Variants in TENM3 observed in about 807,000 individuals in gnomAD.
TENM3 encodes the protein teneurin transmembrane protein 3.
In TENM3, 63 loss-of-function variants were observed where a neutral mutation model predicts 255.1. That is an observed-to-expected ratio of 0.25 (90% CI 0.20 to 0.30). The LOEUF (loss-of-function observed/expected upper bound fraction) is 0.30. TENM3 is among the 10% of genes least tolerant of loss of function. The probability of loss-of-function intolerance (pLI) is 1.00; values close to 1 mark genes in which losing one functional copy is unlikely to be tolerated. For synonymous variants in TENM3, 1,306 were observed against 1,322.3 expected (o/e 0.99, Z 0.27); for missense variants, 2,929 against 3,461.1 (o/e 0.85, Z 3.86).
At chr4:181,981,745 A>G in the TENM3 span, among the ~76,000 whole-genome samples, 1 of 152,182 alleles carries the variant, frequency 6.6e-6, no homozygotes, top group Middle Eastern at 3.2e-3. Flanking sequence ...TGAATACGAA[A>G]AGTGGAAAAA....
chr4:182,758,341 G>C (rs1011748170), intron 22 of TENM3, among the ~76,000 whole-genome samples: 1 of 152,124 alleles, frequency 6.6e-6, no homozygotes, highest in Non-Finnish European at 1.5e-5. Context: ...AAAAGAAAAG[G>C]GTGGGGGGAG....
chr4:182,089,570 A>AT, the TENM3 span, among the ~76,000 whole-genome samples: 50 of 152,244 alleles, frequency 3.3e-4, no homozygotes, highest in African/African-American at 1.1e-3. Flanking sequence ...GGATTTATTG[A>AT]TTTTTTAAAA....
chr4:182,161,340 C>A (rs1192637636), intron 1 of TENM3, among the ~76,000 whole-genome samples: 1 of 128,792 alleles, frequency 7.8e-6, no homozygotes, highest in African/African-American at 3.0e-5. Context: ...GGCGTGAACC[C>A]GGGAGGCGAA....
intron 1 of TENM3, among the ~76,000 whole-genome samples, chr4:182,282,803 G>A (rs1476779965): frequency 6.7e-6 from 1 of 148,646 alleles, no homozygotes. Flanking sequence ...TGAGTCAGGA[G>A]AATTGCTTGA....
At chr4:181,552,375 A>T in the TENM3 span, among the ~76,000 whole-genome samples, 1 of 152,208 alleles carries the variant, frequency 6.6e-6, no homozygotes, top group African/African-American at 2.4e-5. Flanking sequence ...CTGTGTCATT[A>T]GTGTTAGCAG....
the TENM3 span, among the ~76,000 whole-genome samples, chr4:181,885,385 C>T: frequency 6.6e-6 from 1 of 152,148 alleles, no homozygotes; most frequent in Non-Finnish European, 1.5e-5. Context: ...GCCTCAGCCT[C>T]CCGAGTAGCT....
the TENM3 span, among the ~76,000 whole-genome samples, chr4:181,994,911 T>C: frequency 6.6e-6 from 1 of 152,208 alleles, no homozygotes; most frequent in Non-Finnish European, 1.5e-5. Flanking sequence ...ATTTCTTTTG[T>C]CTCCGTTGTA....
At chr4:181,743,391 C>T in the TENM3 span, among the ~76,000 whole-genome samples, 3 of 152,120 alleles carry the variant, frequency 2.0e-5, no homozygotes, top group Admixed American at 2.0e-4. Flanking sequence ...GATGATATCT[C>T]ATTGTGGTTT....
At chr4:181,587,175 A>C in the TENM3 span, among the ~76,000 whole-genome samples, 1 of 152,010 alleles carries the variant, frequency 6.6e-6, no homozygotes, top group Non-Finnish European at 1.5e-5. Flanking sequence ...GTCTTTCTAT[A>C]CTCCCGCACT....
chr4:181,514,598 C>T, the TENM3 span, among the ~76,000 whole-genome samples: 2 of 152,104 alleles, frequency 1.3e-5, no homozygotes, highest in African/African-American at 4.8e-5. Flanking sequence ...AAGCAATGAG[C>T]CTTGTTGAGG....
rs748840180 is a variant in TENM3 at position 182,761,601 on chromosome 4, T to TAC, written c.4892+6355_4892+6356dup. ...AGCCCACTTTATAAGTATATATGTA[T>TAC]ACACACACACACACTTATACACACA... On this transcript the variant is annotated intron_variant, in intron 22 of 27. Coordinates refer to ENST00000511685, the MANE Select transcript of TENM3 (RefSeq NM_001080477.4). Among the ~76,000 whole-genome samples, 21 of 151,894 alleles carry TAC rather than the reference T, an allele frequency of 1.4e-4. No individual in the cohort carries two copies. The South Asian group carries it at 2.1e-3, about 15-fold the overall frequency.
chr4:181,790,096 G>A, the TENM3 span, among the ~76,000 whole-genome samples: 1 of 151,996 alleles, frequency 6.6e-6, no homozygotes, highest in African/African-American at 2.4e-5. Flanking sequence ...CAGTCTTGTG[G>A]GACTGAGCCC....
At chr4:181,495,471 A>G in the TENM3 span, among the ~76,000 whole-genome samples, 1 of 152,144 alleles carries the variant, frequency 6.6e-6, no homozygotes, top group Non-Finnish European at 1.5e-5. Flanking sequence ...ATTATGAAAA[A>G]GGATGACTAT....
chr4:182,414,471 G>A (rs187391962), intron 3 of TENM3, among the ~76,000 whole-genome samples: 153 of 152,298 alleles, frequency 1.0e-3, no homozygotes, highest in African/African-American at 3.7e-3. Context: ...AAAATACTAT[G>A]CTTCACAGAA....
intron 6 of TENM3, among the ~76,000 whole-genome samples, chr4:182,662,135 C>T (rs1754278592): frequency 6.6e-6 from 1 of 152,138 alleles, no homozygotes; most frequent in Non-Finnish European, 1.5e-5. Flanking sequence ...ATCTGAAAAG[C>T]TGTCACTCCA....
At chr4:181,688,372 C>A in the TENM3 span, among the ~76,000 whole-genome samples, 1 of 151,984 alleles carries the variant, frequency 6.6e-6, no homozygotes, top group African/African-American at 2.4e-5. Flanking sequence ...TTTTTTATAG[C>A]AATAGTAACT....
the TENM3 span, among the ~76,000 whole-genome samples, chr4:182,112,342 C>T: frequency 2.6e-5 from 4 of 152,170 alleles, no homozygotes; most frequent in Admixed American, 2.6e-4. Context: ...TTTCCCTCCC[C>T]TCATCACCTT....
the TENM3 span, among the ~76,000 whole-genome samples, chr4:182,134,359 T>C: frequency 6.6e-6 from 1 of 152,192 alleles, no homozygotes; most frequent in Non-Finnish European, 1.5e-5. Flanking sequence ...GAATCTCACA[T>C]GCACCCTCTC....
At chr4:181,473,157 T>G in the TENM3 span, among the ~76,000 whole-genome samples, 1 of 152,136 alleles carries the variant, frequency 6.6e-6, no homozygotes, top group Non-Finnish European at 1.5e-5. Flanking sequence ...TGAAATAATG[T>G]TAAAAAATCA....
Sources: gnomAD v4.1 joint callset for allele counts (sites outside exome capture counted in the v4.1 genomes callset) on GRCh38, gnomAD v4.1.1 for gene constraint, MANE v1.5 for transcripts, NCBI Gene and HGNC (gene_info 2026-07-23, HGNC 2026-07-21) for gene names.